The following DLGAP1 variants were observed in gnomAD, a reference collection of about 807,000 sequenced individuals.
DLGAP1 encodes the protein disks large-associated protein 1.
In DLGAP1, 11 loss-of-function variants were observed where a neutral mutation model predicts 90.8. The observed-to-expected ratio is 0.12, with a 90% CI of 0.08 to 0.20. The LOEUF is 0.20. DLGAP1 is among the 10% of genes least tolerant of loss of function. The probability of loss-of-function intolerance (pLI) is 1.00; values close to 1 mark genes in which losing one functional copy is unlikely to be tolerated. For synonymous variants in DLGAP1, 558 were observed against 540.7 expected (o/e 1.03, Z -0.44); for missense variants, 1,050 against 1,333.8 (o/e 0.79, Z 3.31).
intron 4 of DLGAP1, among the ~76,000 whole-genome samples, chr18:3,837,811 C>G (rs974081719): frequency 1.6e-5 from 2 of 128,996 alleles, no homozygotes; most frequent in Non-Finnish European, 3.1e-5. Context: ...AAGATCAAGC[C>G]ACTGCACTCC....
intron 1 of DLGAP1, among the ~76,000 whole-genome samples, chr18:4,180,782 A>G (rs1402634): frequency 0.42 from 63,533 of 151,862 alleles, 14,036 homozygotes; most frequent in East Asian, 0.69. Flanking sequence ...AGAGGTAGGG[A>G]AAATCACTTC....
chr18:3,981,971 T>A (rs1174841850), intron 3 of DLGAP1, among the ~76,000 whole-genome samples: 1 of 152,198 alleles, frequency 6.6e-6, no homozygotes, highest in African/African-American at 2.4e-5. Flanking sequence ...TATTATTGGT[T>A]ACTATTTAAC....
chr18:4,254,171 C>T (rs937840544), intron 1 of DLGAP1, among the ~76,000 whole-genome samples: 12 of 152,158 alleles, frequency 7.9e-5, no homozygotes, highest in Admixed American at 2.6e-4. Flanking sequence ...CTTCCTCTTA[C>T]GAATTTGGAA....
intron 2 of DLGAP1, among the ~76,000 whole-genome samples, chr18:4,010,404 C>T (rs566368761): frequency 5.3e-5 from 8 of 152,054 alleles, no homozygotes; most frequent in Non-Finnish European, 1.0e-4. Flanking sequence ...AAAAACTAGC[C>T]GGGTGTGGTG....
chr18:4,321,252 ACAGAATCAATCTGACTTAG>A (rs2080678584), intron 1 of DLGAP1, among the ~76,000 whole-genome samples: 1 of 152,240 alleles, frequency 6.6e-6, no homozygotes. Context: ...AATGATTTAC[ACAGAATCAATCTGACTTAG>A]CCATAAAACA....
chr18:3,749,727 TCCA>T (rs2063424355), intron 5 of DLGAP1, among the ~76,000 whole-genome samples: 1 of 152,148 alleles, frequency 6.6e-6, no homozygotes, highest in Non-Finnish European at 1.5e-5. Context: ...ATCCAGATGT[TCCA>T]CAAGTACCAA....
intron 1 of DLGAP1, among the ~76,000 whole-genome samples, chr18:4,320,807 C>T (rs2080667537): frequency 6.6e-6 from 1 of 151,652 alleles, no homozygotes; most frequent in Non-Finnish European, 1.5e-5. Flanking sequence ...AAAAAGAATA[C>T]TTCACAATTC....
intron 1 of DLGAP1, among the ~76,000 whole-genome samples, chr18:4,273,867 T>G (rs2079342532): frequency 2.0e-5 from 3 of 151,634 alleles, no homozygotes; most frequent in South Asian, 4.2e-4. Context: ...TTCCTACTTT[T>G]ACTTCTGATT....
chr18:3,842,921 T>G (rs1598968840), intron 4 of DLGAP1, among the ~76,000 whole-genome samples: 1 of 152,330 alleles, frequency 6.6e-6, no homozygotes, highest in South Asian at 2.1e-4. Context: ...TCTCTCATCT[T>G]TGTTCCTCGC....
chr18:3,499,831 T>TCAGAGCTTAAAAACATCTCCGCTCTGTC lies in DLGAP1; in HGVS notation c.2725-465_2725-438dup. On this transcript the variant is annotated intron_variant, in intron 12 of 12. Coordinates refer to ENST00000315677, the MANE Select transcript of DLGAP1 (RefSeq NM_004746.4). The surrounding 1 kb of genome is among the most constrained non-coding windows in gnomAD (Gnocchi z 6.4). ...GCAAGTCACCGGGTGCAAGCTTGGT[T>TCAGAGCTTAAAAACATCTCCGCTCTGTC]CAGAGCTTAAAAACATCTCCGCTCT... Among the ~76,000 whole-genome samples the TCAGAGCTTAAAAACATCTCCGCTCTGTC allele has an allele frequency of 6.6e-6, 1 of 152,222 alleles. No homozygotes were observed. The highest frequency in any genetic ancestry group is 2.1e-4 in the South Asian group (1 of 4,828).
At chr18:3,843,972 A>G (rs1488303422) in intron 4 of DLGAP1, among the ~76,000 whole-genome samples, 1 of 152,200 alleles carries the variant, frequency 6.6e-6, no homozygotes, top group Non-Finnish European at 1.5e-5. Flanking sequence ...CATCCTGTTT[A>G]TACTTCTAGG....
At chr18:4,447,402 T>C (rs529700454) in intron 1 of DLGAP1, among the ~76,000 whole-genome samples, 1 of 152,296 alleles carries the variant, frequency 6.6e-6, no homozygotes, top group Non-Finnish European at 1.5e-5. Flanking sequence ...TTACTACTTA[T>C]AAATAGTCTA....
chr18:3,891,281 G>C (rs986533250), intron 3 of DLGAP1, among the ~76,000 whole-genome samples: 4 of 151,912 alleles, frequency 2.6e-5, no homozygotes, highest in African/African-American at 9.7e-5. Context: ...AACTTTTTTT[G>C]TTAGCCCCCT....
At chr18:3,625,091 C>T (rs1454002655) in intron 7 of DLGAP1, among the ~76,000 whole-genome samples, 4 of 152,206 alleles carry the variant, frequency 2.6e-5, no homozygotes, top group Non-Finnish European at 5.9e-5. Context: ...TCTACCCACC[C>T]ACTTCTCTAA....
chr18:4,183,180 T>C (rs759120321), intron 1 of DLGAP1, among the ~76,000 whole-genome samples: 2 of 152,152 alleles, frequency 1.3e-5, no homozygotes, highest in Non-Finnish European at 2.9e-5. Flanking sequence ...AAATTAAATA[T>C]ACAAGTCATA....
intron 2 of DLGAP1, among the ~76,000 whole-genome samples, chr18:4,064,736 G>T (rs2075347950): frequency 6.6e-6 from 1 of 151,984 alleles, no homozygotes. Context: ...GGACTGGATG[G>T]ATTCACAGAT....
intron 4 of DLGAP1, among the ~76,000 whole-genome samples, chr18:3,860,759 G>A (rs950121523): frequency 1.3e-5 from 2 of 152,294 alleles, no homozygotes; most frequent in Admixed American, 1.3e-4. Context: ...ATGGAATTAA[G>A]TGATTTTCAG....
At chr18:4,089,834 A>T (rs1391911732) in intron 2 of DLGAP1, among the ~76,000 whole-genome samples, 1 of 152,170 alleles carries the variant, frequency 6.6e-6, no homozygotes, top group African/African-American at 2.4e-5. Flanking sequence ...TCACGAGGTC[A>T]GGAGATCGAG....
intron 2 of DLGAP1, among the ~76,000 whole-genome samples, chr18:4,053,500 G>C (rs2075166756): frequency 6.6e-6 from 1 of 152,112 alleles, no homozygotes; most frequent in South Asian, 2.1e-4. Context: ...GATTTGGGTG[G>C]GGACACAGCC....
Sources: allele counts gnomAD v4.1 joint callset (sites outside exome capture counted in the v4.1 genomes callset), GRCh38; gene constraint gnomAD v4.1.1; non-coding constraint Gnocchi (gnomAD v3.1); transcripts MANE v1.5; gene names NCBI Gene and HGNC (gene_info 2026-07-23, HGNC 2026-07-21).